Variants in HIF1A observed in about 807,000 individuals in gnomAD.
The protein encoded by HIF1A is hypoxia-inducible factor 1-alpha.
A neutral mutation model predicts 92.7 loss-of-function variants in HIF1A; 24 were observed. That is an observed-to-expected ratio of 0.26 (90% CI 0.19 to 0.36). HIF1A has a LOEUF of 0.36. HIF1A is among the 10% of genes least tolerant of loss of function. HIF1A has a pLI of 1.00. For missense variants in HIF1A, 799 were observed against 998.5 expected (o/e 0.80, Z 2.69); for synonymous variants, 319 against 338.7 (o/e 0.94, Z 0.64).
intron 5 of HIF1A, 143 bp downstream of exon 5, chr14:61,726,961 C>T: frequency 1.9e-6 from 1 of 530,890 alleles, no homozygotes; most frequent in East Asian, 3.2e-5. Context: ...AACTCATTTG[C>T]ATGTGATCTC....
chr14:61,732,396 A>G, intron 6 of HIF1A, 22 bp from the exon 7 acceptor site: 1 of 1,505,802 alleles, frequency 6.6e-7, no homozygotes, highest in Non-Finnish European at 9.2e-7. Flanking sequence ...TTTTTCTTAA[A>G]TCTTGTATTT....
At chr14:61,724,147 G>T in intron 4 of HIF1A, among the ~76,000 whole-genome samples, 1 of 149,348 alleles carries the variant, frequency 6.7e-6, no homozygotes, top group African/African-American at 2.5e-5. Context: ...TTCCTCATTA[G>T]GAAAACACTA....
intron 13 of HIF1A, 41 bp downstream of exon 13, chr14:61,744,854 C>T (rs763832527): frequency 2.4e-6 from 2 of 816,902 alleles, no homozygotes; most frequent in East Asian, 5.3e-5. Flanking sequence ...AGCTAATGTG[C>T]TATTTCGTGT....
intron 1 of HIF1A, among the ~76,000 whole-genome samples, chr14:61,698,384 C>A (rs1752987046): frequency 6.6e-6 from 1 of 152,142 alleles, no homozygotes; most frequent in Non-Finnish European, 1.5e-5. Flanking sequence ...TACTGAATGC[C>A]TCTGAGCCTC....
At chr14:61,744,922 T>G in intron 13 of HIF1A, 109 bp downstream of exon 13, 5 of 518,958 alleles carry the variant, frequency 9.6e-6, no homozygotes, top group Non-Finnish European at 1.7e-5. Flanking sequence ...ATAGTAAAGT[T>G]ATATTTTCAG....
intron 6 of HIF1A, among the ~76,000 whole-genome samples, chr14:61,731,301 T>C (rs2044572640): frequency 6.6e-6 from 1 of 152,168 alleles, no homozygotes; most frequent in South Asian, 2.1e-4. Context: ...GAAGAGAGTA[T>C]TTCTGTTCAG....
chr14:61,734,898 C>T (rs2044617956), intron 8 of HIF1A, among the ~76,000 whole-genome samples: 2 of 152,086 alleles, frequency 1.3e-5, no homozygotes, highest in African/African-American at 4.8e-5. Context: ...CACCCTAGAA[C>T]TTAAAGTATA....
intron 1 of HIF1A, among the ~76,000 whole-genome samples, chr14:61,715,014 A>G (rs892888464): frequency 1.3e-5 from 2 of 152,162 alleles, no homozygotes; most frequent in African/African-American, 4.8e-5. Context: ...AGTCTGGGCA[A>G]CAAGGGTGAA....
chr14:61,743,097 T>C (rs149011706), intron 12 of HIF1A, among the ~76,000 whole-genome samples: 7 of 152,176 alleles, frequency 4.6e-5, no homozygotes, highest in African/African-American at 1.7e-4. Flanking sequence ...GGAGTTTTGC[T>C]CTTGTTGCCC....
At chr14:61,704,308 A>G (rs2044211318) in intron 1 of HIF1A, among the ~76,000 whole-genome samples, 1 of 152,336 alleles carries the variant, frequency 6.6e-6, no homozygotes, top group African/African-American at 2.4e-5. Flanking sequence ...TAGTGGCAGA[A>G]TAGTTACTGA....
chr14:61,728,990 T>C (rs1384136000), intron 6 of HIF1A, among the ~76,000 whole-genome samples: 1 of 151,492 alleles, frequency 6.6e-6, no homozygotes, highest in African/African-American at 2.4e-5. Flanking sequence ...TGAAAAAAAA[T>C]AGACCTACAC....
chr14:61,734,630 C>G (rs1466022177), intron 8 of HIF1A, among the ~76,000 whole-genome samples: 1 of 152,178 alleles, frequency 6.6e-6, no homozygotes, highest in Non-Finnish European at 1.5e-5. Flanking sequence ...AGGAAGAATC[C>G]TGGCCTAGAT....
chr14:61,734,360 GAAGAT>G (rs994831185), intron 8 of HIF1A, 75 bp downstream of exon 8: 19 of 982,204 alleles, frequency 1.9e-5, no homozygotes, highest in Admixed American at 9.8e-5. Context: ...TCATTTATAG[GAAGAT>G]AAGATAATAA....
chr14:61,720,710 T>G, intron 2 of HIF1A, 138 bp downstream of exon 2: 2 of 449,006 alleles, frequency 4.5e-6, no homozygotes, highest in South Asian at 7.1e-5. Context: ...TTTAAAAATT[T>G]TTCTGTAATT....
chr14:61,734,067 T>G (rs2044606985), intron 7 of HIF1A, 71 bp from the exon 8 acceptor site: 2 of 990,946 alleles, frequency 2.0e-6, no homozygotes, highest in Non-Finnish European at 2.9e-6. Context: ...ACATTCAGCA[T>G]CTGTTCATTT....
At chr14:61,710,876 T>C (rs935303766) in intron 1 of HIF1A, among the ~76,000 whole-genome samples, 1 of 151,900 alleles carries the variant, frequency 6.6e-6, no homozygotes, top group Non-Finnish European at 1.5e-5. Flanking sequence ...CTGGCCAACA[T>C]AGTGAAACCC....
At chr14:61,697,234 T>C (rs569548115) in intron 1 of HIF1A, among the ~76,000 whole-genome samples, 1 of 152,308 alleles carries the variant, frequency 6.6e-6, no homozygotes, top group East Asian at 1.9e-4. Flanking sequence ...GCAGAGAAGG[T>C]CACTTATAAA....
intron 1 of HIF1A, among the ~76,000 whole-genome samples, chr14:61,716,543 T>G (rs2044366489): frequency 6.6e-6 from 1 of 152,230 alleles, no homozygotes; most frequent in Non-Finnish European, 1.5e-5. Flanking sequence ...CTAACAGGCT[T>G]TTTGTGCAAT....
rs773811107 is a variant in HIF1A at position 61,740,819 on chromosome 14, G to A, written c.1724G>A (p.Arg575His). Reference protein sequence around the residue: ...YIPMDDDFQLRSFDQLSPLES... With the variant: ...YIPMDDDFQLHSFDQLSPLES... Reference sequence around the variant, plus strand: ...CCAATGGATGATGACTTCCAGTTACGTTCCTTCGATCAGTTGTCACCATTA... The same window carrying A: ...CCAATGGATGATGACTTCCAGTTACATTCCTTCGATCAGTTGTCACCATTA... The change falls in exon 12 of 15, where the codon CGT (arginine) becomes CAT (histidine). Residue 575 changes from arginine to histidine, a missense_variant. Coordinates refer to ENST00000337138, the MANE Select transcript of HIF1A (RefSeq NM_001530.4). 1.1e-5 allele frequency: 18 copies of A among 1,613,926 alleles called. No individual in the cohort carries two copies. The highest frequency in any genetic ancestry group is 1.3e-5 in the Non-Finnish European group (15 of 1,179,980).
Sources: gnomAD v4.1 joint callset for allele counts (sites outside exome capture counted in the v4.1 genomes callset) on GRCh38, gnomAD v4.1.1 for gene constraint, MANE v1.5 for transcripts, NCBI Gene and HGNC (gene_info 2026-07-23, HGNC 2026-07-21) for gene names.